DGKB: variants seen among roughly 807,000 people sequenced by gnomAD.
DGKB encodes 90 kDa diacylglycerol kinase.
DGKB carries 67 observed loss-of-function variants against 114.3 expected under a neutral mutation model. The ratio of observed to expected loss-of-function variants is 0.59; its 90% CI spans 0.48 to 0.72. DGKB has a LOEUF of 0.72. Among genes scored for constraint, DGKB ranks in the 30% least tolerant of loss-of-function variants. The probability of loss-of-function intolerance (pLI) is 0.00; values close to 1 mark genes in which losing one functional copy is unlikely to be tolerated. For missense variants in DGKB, 907 were observed against 975.2 expected, an observed-to-expected ratio of 0.93 and a Z score of 0.93; for synonymous variants, 398 against 323.1, an observed-to-expected ratio of 1.23 and a Z score of -2.49.
chr7:14,693,579 C>CATTACCTTTAATGGCAGGTA (rs1419157104), intron 9 of DGKB, among the ~76,000 whole-genome samples: 1 of 150,248 alleles, frequency 6.7e-6, no homozygotes, highest in Non-Finnish European at 1.5e-5. Context: ...CGTTTTCTGC[C>CATTACCTTTAATGGCAGGTA]ATTAAAGGTA....
At chr7:14,899,203 C>T (rs1782587631) in intron 1 of DGKB, among the ~76,000 whole-genome samples, 1 of 152,080 alleles carries the variant, frequency 6.6e-6, no homozygotes. Flanking sequence ...GCTTTTGCTT[C>T]CTGGCAAATT....
At chr7:14,183,636 C>T (rs567786314) in intron 23 of DGKB, among the ~76,000 whole-genome samples, 1 of 152,148 alleles carries the variant, frequency 6.6e-6, no homozygotes, top group Non-Finnish European at 1.5e-5. Context: ...GTATTATTCT[C>T]CTCATTTTAT....
intron 13 of DGKB, among the ~76,000 whole-genome samples, chr7:14,631,263 C>CAAAAAAAAAAAA (rs35088925): frequency 1.1e-4 from 11 of 98,402 alleles, no homozygotes; most frequent in African/African-American, 2.8e-4. Flanking sequence ...CAGCAAGAAC[C>CAAAAAAAAAAAA]AAAAAAAAAA....
intron 13 of DGKB, among the ~76,000 whole-genome samples, chr7:14,648,911 T>C (rs1813781774): frequency 8.0e-6 from 1 of 124,336 alleles, no homozygotes; most frequent in Non-Finnish European, 1.7e-5. Context: ...GAAGATGAAA[T>C]GAATGAAATG....
chr7:14,172,883 C>A (rs1781215244), intron 25 of DGKB, among the ~76,000 whole-genome samples: 1 of 152,020 alleles, frequency 6.6e-6, no homozygotes, highest in Non-Finnish European at 1.5e-5. Context: ...TTTCTTCTTC[C>A]CATTATAAGA....
At chr7:14,278,808 GA>G in intron 23 of DGKB, among the ~76,000 whole-genome samples, 1 of 152,204 alleles carries the variant, frequency 6.6e-6, no homozygotes, top group East Asian at 1.9e-4. Flanking sequence ...TCAATAGGAA[GA>G]AAATAAATAA....
In DGKB at chr7:14,244,669, CAAAAA is replaced by C. The variant is rs34364672; in HGVS notation, c.2123-66523_2123-66519del. On this transcript the variant is annotated intron_variant, in intron 23 of 25. Transcript: ENST00000402815. ...TGGGTGACAGAGTGAGACTCTGTCT[CAAAAA>C]AAAAAAAAAAAAAAAAAAAGGGGTG... Among the ~76,000 whole-genome samples the C allele has an allele frequency of 5.4e-3, 249 of 46,392 alleles. 1 individual carries two copies. Among genetic ancestry groups the C allele is most frequent in the East Asian group, 0.028 (41 of 1,466 alleles). 30.4% of individuals were successfully genotyped at this position (46,392 alleles called of 152,430 possible).
intron 23 of DGKB, among the ~76,000 whole-genome samples, chr7:14,276,633 T>C (rs1182504164): frequency 6.6e-6 from 1 of 151,832 alleles, no homozygotes; most frequent in Non-Finnish European, 1.5e-5. Flanking sequence ...TAAATTGCAT[T>C]ACTATGAATG....
intron 2 of DGKB, among the ~76,000 whole-genome samples, chr7:14,839,337 G>A (rs911659525): frequency 6.6e-6 from 1 of 151,564 alleles, no homozygotes; most frequent in South Asian, 2.1e-4. Context: ...AGAAAGTATT[G>A]AGTATAAGAC....
At chr7:14,344,606 C>A (rs1812162590) in intron 22 of DGKB, among the ~76,000 whole-genome samples, 1 of 151,462 alleles carries the variant, frequency 6.6e-6, no homozygotes. Flanking sequence ...TATCATTTGT[C>A]AAAATATAAC....
chr7:14,337,875 A>G (rs1156336889), intron 23 of DGKB, among the ~76,000 whole-genome samples: 4 of 152,168 alleles, frequency 2.6e-5, no homozygotes, highest in Non-Finnish European at 5.9e-5. Flanking sequence ...AGAATTAGGT[A>G]TCATGTCCCA....
chr7:14,254,306 C>A (rs1481561310), intron 23 of DGKB, among the ~76,000 whole-genome samples: 1 of 152,070 alleles, frequency 6.6e-6, no homozygotes, highest in Non-Finnish European at 1.5e-5. Flanking sequence ...AAGTATTCAG[C>A]CATTTGTTGA....
intron 1 of DGKB, among the ~76,000 whole-genome samples, chr7:14,885,421 C>A (rs901494471): frequency 5.9e-5 from 9 of 151,728 alleles, no homozygotes; most frequent in African/African-American, 2.2e-4. Context: ...GGAGAGAAAG[C>A]AATGTTTCTT....
intron 21 of DGKB, among the ~76,000 whole-genome samples, chr7:14,474,924 T>C (rs1447795652): frequency 6.6e-6 from 1 of 152,108 alleles, no homozygotes; most frequent in Non-Finnish European, 1.5e-5. Flanking sequence ...ACAGCATGCT[T>C]TCTTTTAACA....
chr7:14,289,017 G>A (rs1305097145), intron 23 of DGKB, among the ~76,000 whole-genome samples: 2 of 152,156 alleles, frequency 1.3e-5, no homozygotes, highest in African/African-American at 4.8e-5. Context: ...AATACTGTTT[G>A]TAGCATGCTG....
intron 9 of DGKB, among the ~76,000 whole-genome samples, chr7:14,689,906 G>A (rs984091755): frequency 6.6e-6 from 1 of 152,084 alleles, no homozygotes; most frequent in Non-Finnish European, 1.5e-5. Flanking sequence ...AAAAAAATGT[G>A]TCTTAAACAA....
intron 20 of DGKB, among the ~76,000 whole-genome samples, chr7:14,485,187 G>A (rs1403873046): frequency 6.6e-6 from 1 of 151,090 alleles, no homozygotes; most frequent in Non-Finnish European, 1.5e-5. Flanking sequence ...GGGAGTTGAT[G>A]TTACAGTGTC....
intron 12 of DGKB, among the ~76,000 whole-genome samples, chr7:14,682,193 T>C (rs1820955853): frequency 6.6e-6 from 1 of 152,040 alleles, no homozygotes. Flanking sequence ...TTAAACAGGG[T>C]TGTGGAGTAA....
At chr7:14,399,072 C>T (rs1354040099) in intron 21 of DGKB, among the ~76,000 whole-genome samples, 11 of 151,486 alleles carry the variant, frequency 7.3e-5, no homozygotes, top group Non-Finnish European at 1.3e-4. Flanking sequence ...GTTTCCTCGG[C>T]GACTTAGAAA....
Sources: allele counts gnomAD v4.1 joint callset (sites outside exome capture counted in the v4.1 genomes callset), GRCh38; gene constraint gnomAD v4.1.1; transcripts MANE v1.5; gene names NCBI Gene and HGNC (gene_info 2026-07-23, HGNC 2026-07-21).